Variants in ADCY8 observed in about 807,000 individuals in gnomAD.
ADCY8 encodes the protein adenylate cyclase 8, also known as adenylate cyclase type 8.
Under a neutral mutation model 119.7 loss-of-function variants are expected in ADCY8, and 51 were observed. That is an observed-to-expected ratio of 0.43 (90% CI 0.34 to 0.54). ADCY8 has a LOEUF of 0.54. Ranked by LOEUF, ADCY8 falls within the 20% of genes least tolerant of loss-of-function variation. The probability of loss-of-function intolerance (pLI) is 0.03; values close to 1 mark genes in which losing one functional copy is unlikely to be tolerated. For synonymous variants in ADCY8, 665 were observed against 651.0 expected, an observed-to-expected ratio of 1.02 and a Z score of -0.33; for missense variants, 1,383 against 1,598.8, an observed-to-expected ratio of 0.87 and a Z score of 2.30.
At chr8:130,989,542 A>G (rs1465314424) in intron 2 of ADCY8, among the ~76,000 whole-genome samples, 2 of 152,222 alleles carry the variant, frequency 1.3e-5, no homozygotes, top group African/African-American at 4.8e-5. Flanking sequence ...GATTGTAGAG[A>G]TAATATATCT....
intron 7 of ADCY8, among the ~76,000 whole-genome samples, chr8:130,895,979 A>G (rs1227046452): frequency 6.6e-6 from 1 of 152,124 alleles, no homozygotes; most frequent in Non-Finnish European, 1.5e-5. Flanking sequence ...CTGTAGGGAA[A>G]GAGAAATCTG....
At position 130,800,549 on chromosome 8, in the gene ADCY8, A is replaced by G. The variant is rs763184536; in HGVS notation, c.2937T>C (p.Asp979=). 1.2e-6 allele frequency: 2 copies of G among 1,614,126 alleles called. No homozygotes were observed. The highest frequency in any genetic ancestry group is 1.7e-5 in the Admixed American group (1 of 60,022). The part of the protein sequence containing the change: ...DNEELYSQSY[D]AVGVMFASIP... ...TGGAGGCAAACATCACCCCAACAGC[A>G]TCATAGGATTGAGAATACAGCTCCT... The change falls in exon 15 of 18, where the codon GAT becomes GAC. Residue 979 remains aspartate, a synonymous_variant. Transcript: ENST00000286355.
intron 9 of ADCY8, among the ~76,000 whole-genome samples, chr8:130,864,052 TC>T (rs1314447294): frequency 4.6e-5 from 7 of 152,190 alleles, no homozygotes; most frequent in African/African-American, 1.7e-4. Flanking sequence ...AAGTATTTTT[TC>T]TCTGCTTATA....
intron 1 of ADCY8, among the ~76,000 whole-genome samples, chr8:131,025,808 G>A (rs1241561914): frequency 6.6e-6 from 1 of 152,204 alleles, no homozygotes; most frequent in Admixed American, 6.5e-5. Flanking sequence ...CTTCTTGTAA[G>A]CTTTGTACCC....
chr8:130,813,451 C>T (rs1221575090), intron 14 of ADCY8, among the ~76,000 whole-genome samples: 3 of 152,194 alleles, frequency 2.0e-5, no homozygotes, highest in Admixed American at 2.0e-4. Context: ...AATTTGACCA[C>T]TCTAGGTACC....
At chr8:130,904,178 C>T in intron 6 of ADCY8, 136 bp from the exon 7 acceptor site, 1 of 877,172 alleles carries the variant, frequency 1.1e-6, no homozygotes, top group East Asian at 2.5e-5. Flanking sequence ...CAATACTTGT[C>T]TTCCTAAAAA....
intron 14 of ADCY8, among the ~76,000 whole-genome samples, chr8:130,813,146 A>G (rs1816223664): frequency 6.6e-6 from 1 of 152,062 alleles, no homozygotes; most frequent in African/African-American, 2.4e-5. Context: ...ACGGGGTTTC[A>G]CCATCTTGGC....
At chr8:130,940,174 C>A (rs572379095) in intron 4 of ADCY8, among the ~76,000 whole-genome samples, 1 of 152,266 alleles carries the variant, frequency 6.6e-6, no homozygotes, top group African/African-American at 2.4e-5. Context: ...GAACAGCAGG[C>A]TTGAGGGAAA....
chr8:131,003,465 A>G (rs1161832243), intron 1 of ADCY8, among the ~76,000 whole-genome samples: 1 of 152,210 alleles, frequency 6.6e-6, no homozygotes, highest in Non-Finnish European at 1.5e-5. Context: ...AGTAGCCATA[A>G]TTATTCCAGG....
intron 2 of ADCY8, among the ~76,000 whole-genome samples, chr8:130,956,552 A>G (rs1338258254): frequency 6.6e-6 from 1 of 152,194 alleles, no homozygotes; most frequent in East Asian, 1.9e-4. Context: ...ATTACACCAC[A>G]TGGCACCTGT....
chr8:130,785,268 A>AT lies in ADCY8; in HGVS notation c.3153+114dup, dbSNP rs1051238650. The AT allele has an allele frequency of 4.6e-6, 3 of 658,256 alleles. No individual in the cohort carries two copies. The African/African-American group carries it at 5.5e-5, about 12-fold the overall frequency. 40.8% of individuals were successfully genotyped at this position (658,256 alleles called of 1,614,324 possible). On this transcript the variant is annotated intron_variant, in intron 16 of 17. Transcript: ENST00000286355. ...TAACTATTATAATCCAGTCCATTAG[A>AT]TTTTCTCCCCATCTTTCCCCAAGGA...
chr8:130,846,711 T>C (rs1194666784), intron 11 of ADCY8, among the ~76,000 whole-genome samples: 2 of 131,486 alleles, frequency 1.5e-5, no homozygotes, highest in African/African-American at 5.8e-5. Flanking sequence ...CTACCTTCCG[T>C]CCTTCCTTCC....
intron 1 of ADCY8, among the ~76,000 whole-genome samples, chr8:131,002,266 A>G (rs1246496401): frequency 6.6e-6 from 1 of 152,210 alleles, no homozygotes; most frequent in Admixed American, 6.5e-5. Flanking sequence ...TATTGTCATT[A>G]TTATTGTTTT....
intron 2 of ADCY8, among the ~76,000 whole-genome samples, chr8:130,960,316 A>G (rs1401984613): frequency 6.6e-6 from 1 of 152,202 alleles, no homozygotes; most frequent in Non-Finnish European, 1.5e-5. Context: ...CCAAGCATGT[A>G]CTGCTTAACT....
chr8:131,019,471 G>A (rs952321034), intron 1 of ADCY8, among the ~76,000 whole-genome samples: 1 of 152,122 alleles, frequency 6.6e-6, no homozygotes, highest in Non-Finnish European at 1.5e-5. Flanking sequence ...TAAGCTGCTG[G>A]TACTGGAAAC....
rs367989758 is a variant in ADCY8 at position 130,937,084 on chromosome 8, G to T, written c.1470C>A (p.Ile490=). ...HCCVEMGLSM[I]KTIRYVRSRT... ...GGATCACAAATTACCTGATGGTTTT[G>T]ATCATGCTGAGACCCATTTCAACAC... The change falls in exon 5 of 18, where the codon ATC becomes ATA. Residue 490 remains isoleucine (I), a synonymous_variant. Coordinates refer to ENST00000286355, the MANE Select transcript of ADCY8 (RefSeq NM_001115.3). 1 of 1,611,888 alleles carries T rather than the reference G, an allele frequency of 6.2e-7. No individual in the cohort carries two copies. The highest frequency in any genetic ancestry group is 8.5e-7 in the Non-Finnish European group (1 of 1,178,866).
intron 1 of ADCY8, among the ~76,000 whole-genome samples, chr8:131,024,174 G>A (rs1441547783): frequency 6.6e-6 from 1 of 152,138 alleles, no homozygotes; most frequent in Non-Finnish European, 1.5e-5. Context: ...GTCACCTTGT[G>A]GACCACTGTC....
At chr8:131,016,333 G>T (rs1238381331) in intron 1 of ADCY8, among the ~76,000 whole-genome samples, 4 of 151,940 alleles carry the variant, frequency 2.6e-5, no homozygotes, top group African/African-American at 9.7e-5. Context: ...ACAAGTCTAG[G>T]CAATAGAGTA....
chr8:130,808,094 C>CTT lies in ADCY8; in HGVS notation c.2913+5973_2913+5974dup, dbSNP rs999131174. Among the ~76,000 whole-genome samples, 11 of 148,966 alleles carry CTT rather than the reference C, an allele frequency of 7.4e-5. No individual in the cohort carries two copies. In the Admixed American group the frequency reaches 7.4e-4, roughly 10 times the overall value. On this transcript the variant is annotated intron_variant, in intron 14 of 17. Coordinates refer to ENST00000286355, the MANE Select transcript of ADCY8 (RefSeq NM_001115.3). Reference sequence around the variant, plus strand: ...TACCATTGTAAATACCCTTTCAACACTTTATTCCATTATTCAGCTACTTCT... The same window carrying CTT: ...TACCATTGTAAATACCCTTTCAACACTTTTTATTCCATTATTCAGCTACTTCT...
Sources: allele counts gnomAD v4.1 joint callset (sites outside exome capture counted in the v4.1 genomes callset), GRCh38; gene constraint gnomAD v4.1.1; transcripts MANE v1.5; gene names NCBI Gene and HGNC (gene_info 2026-07-23, HGNC 2026-07-21).